The following CLDN16 variants were observed in gnomAD, a reference collection of about 807,000 sequenced individuals.
CLDN16 encodes claudin-16.
Under a neutral mutation model 24.6 loss-of-function variants are expected in CLDN16, and 13 were observed. The observed-to-expected ratio is 0.53, with a 90% CI of 0.34 to 0.84. CLDN16 has a LOEUF of 0.84. Ranked by LOEUF, CLDN16 falls within the 40% of genes least tolerant of loss-of-function variation. CLDN16 has a pLI of 0.01. For missense variants in CLDN16, 298 were observed against 292.7 expected, an observed-to-expected ratio of 1.02 and a Z score of -0.13; for synonymous variants, 116 against 106.7, an observed-to-expected ratio of 1.09 and a Z score of -0.54.
At chr3:190,400,691 T>C (rs1210835212) in intron 1 of CLDN16, among the ~76,000 whole-genome samples, 1 of 152,260 alleles carries the variant, frequency 6.6e-6, no homozygotes, top group East Asian at 1.9e-4. Flanking sequence ...ATTGTGTAGA[T>C]ATACCATATT....
the CLDN16 span, chr3:190,307,428 A>G: frequency 6.6e-6 from 1 of 152,220 alleles, no homozygotes. Context: ...CAGCTACTCA[A>G]TTGGACAAAT....
chr3:190,383,173 AC>A (rs1478607628), upstream of CLDN16, among the ~76,000 whole-genome samples: 1 of 152,096 alleles, frequency 6.6e-6, no homozygotes, highest in East Asian at 1.9e-4. Context: ...TTCAAAACAA[AC>A]AAACAAACAA....
chr3:190,396,797 G>A (rs1364514836), intron 1 of CLDN16, among the ~76,000 whole-genome samples: 1 of 152,154 alleles, frequency 6.6e-6, no homozygotes, highest in African/African-American at 2.4e-5. Flanking sequence ...GTGGTGGGAG[G>A]CTAATGAAAA....
In CLDN16 at chr3:190,346,393, G is replaced by A. The variant is rs114403752; in HGVS notation, n.121+23732G>A. 9.2e-3 allele frequency among the ~76,000 whole-genome samples: 1,394 copies of A among 152,156 alleles called. 31 individuals carry two copies. Among genetic ancestry groups the A allele is most frequent in the African/African-American group, 0.032 (1,336 of 41,524 alleles). ...ATTCTATGAACAATAAAAATCCTCC[G>A]GCAATTTTAAGCAGGATAGTGACCC... On this transcript the variant is annotated intron_variant and non_coding_transcript_variant, in intron 1 of 4. Coordinates refer to the CLDN16 transcript ENST00000468220.
chr3:190,328,388 A>G (rs1156415486), intron 1 of CLDN16, among the ~76,000 whole-genome samples: 2 of 152,212 alleles, frequency 1.3e-5, no homozygotes, highest in Non-Finnish European at 2.9e-5. Flanking sequence ...AGGCAAGTTA[A>G]TTAATCTTTC....
chr3:190,372,246 C>G (rs887358375), intron 2 of CLDN16, among the ~76,000 whole-genome samples: 4 of 151,898 alleles, frequency 2.6e-5, no homozygotes, highest in Non-Finnish European at 5.9e-5. Flanking sequence ...GCCTCATTAC[C>G]AACACTTTCA....
intron 1 of CLDN16, among the ~76,000 whole-genome samples, chr3:190,324,909 A>G (rs1717027022): frequency 6.6e-6 from 1 of 152,230 alleles, no homozygotes; most frequent in South Asian, 2.1e-4. Context: ...TAAAGGCAGC[A>G]CTGAGACCAA....
intron 1 of CLDN16, among the ~76,000 whole-genome samples, chr3:190,348,152 G>A (rs1308170200): frequency 6.6e-6 from 1 of 150,798 alleles, no homozygotes. Context: ...CTACTCGGGC[G>A]GCTGAGGCAG....
upstream of CLDN16, among the ~76,000 whole-genome samples, chr3:190,385,977 G>C (rs1052964621): frequency 3.9e-5 from 6 of 152,094 alleles, no homozygotes; most frequent in Non-Finnish European, 7.4e-5. Flanking sequence ...TTTATAACAA[G>C]TGGCCTTACA....
At chr3:190,409,182 A>ATGTGCACACACG (rs1295963167) in intron 4 of CLDN16, among the ~76,000 whole-genome samples, 3 of 151,046 alleles carry the variant, frequency 2.0e-5, no homozygotes, top group East Asian at 3.9e-4. Context: ...ATGCATGTAT[A>ATGTGCACACACG]TATACACACA....
At chr3:190,322,536 T>C, upstream of CLDN16, 72 of 274,598 alleles carry the variant, frequency 2.6e-4, no homozygotes, top group Middle Eastern at 1.2e-3. Flanking sequence ...TCAGGGCGGC[T>C]CACCGAGAGG....
rs1473683779 is a variant in CLDN16, at chr3:190,402,547, G to T, written c.217+108G>T. ...TTTCTATTGTACTATATTAAGGTTC[G>T]GTCCAGTTTGTAATGGTTAGAAATT... On this transcript the variant is annotated intron_variant, in intron 2 of 4. Transcript: ENST00000264734. The T allele has an allele frequency of 4.8e-6, 4 of 827,450 alleles. No individual in the cohort carries two copies. The East Asian group carries it at 1.0e-4, about 21-fold the overall frequency. 51.3% of individuals were successfully genotyped at this position (827,450 alleles called of 1,614,324 possible). A position where few individuals can be genotyped will look rare whatever the true frequency, so the allele number is the denominator to read the frequency against.
At chr3:190,402,464 C>T in intron 2 of CLDN16, 25 bp downstream of exon 2, 2 of 1,548,676 alleles carry the variant, frequency 1.3e-6, no homozygotes, top group Non-Finnish European at 1.8e-6. Flanking sequence ...GAGCTCACTG[C>T]TTGCCAGGAA....
the CLDN16 span, among the ~76,000 whole-genome samples, chr3:190,291,448 C>A: frequency 6.6e-6 from 1 of 151,978 alleles, no homozygotes; most frequent in Non-Finnish European, 1.5e-5. Context: ...GAGAGAAGAG[C>A]CCCCTATGAA....
the CLDN16 span, chr3:190,308,076 T>G: frequency 1.7e-6 from 1 of 590,430 alleles, no homozygotes; most frequent in Non-Finnish European, 2.9e-6. Flanking sequence ...CCCTCCTATA[T>G]TGAGGAAAGA....
the CLDN16 span, chr3:190,310,382 T>C: frequency 1.5e-6 from 1 of 672,410 alleles, no homozygotes; most frequent in East Asian, 2.7e-5. Flanking sequence ...TTTATTTTGG[T>C]ATTAGGGAGA....
At chr3:190,347,837 G>A (rs1717583213) in intron 1 of CLDN16, among the ~76,000 whole-genome samples, 2 of 152,052 alleles carry the variant, frequency 1.3e-5, no homozygotes, top group Non-Finnish European at 2.9e-5. Context: ...GGATCTAAGT[G>A]CACAAAAGCC....
chr3:190,329,810 T>C (rs538682002), intron 1 of CLDN16, among the ~76,000 whole-genome samples: 2 of 152,214 alleles, frequency 1.3e-5, no homozygotes, highest in East Asian at 3.9e-4. Context: ...TGAAGAATGC[T>C]TTGGGGAGAG....
the CLDN16 span, among the ~76,000 whole-genome samples, chr3:190,311,982 C>T: frequency 1.1e-3 from 167 of 146,514 alleles, 3 homozygotes; most frequent in South Asian, 0.035. Flanking sequence ...AGACAGTCTT[C>T]TGTTGCTTAG....
Sources: gnomAD v4.1 joint callset for allele counts (sites outside exome capture counted in the v4.1 genomes callset) on GRCh38, gnomAD v4.1.1 for gene constraint, MANE v1.5 for transcripts, NCBI Gene and HGNC (gene_info 2026-07-23, HGNC 2026-07-21) for gene names.